NUP98: variants seen among roughly 807,000 people sequenced by gnomAD.
NUP98 encodes nucleoporin 98 and 96 precursor.
In NUP98, 26 loss-of-function variants were observed where a neutral mutation model predicts 191.9. That is an observed-to-expected ratio of 0.14 (90% CI 0.10 to 0.19). The LOEUF is 0.19. NUP98 is among the 10% of genes least tolerant of loss of function. The pLI, the probability that NUP98 is intolerant of heterozygous loss-of-function variation, is 1.00. For synonymous variants in NUP98, 808 were observed against 778.4 expected (o/e 1.04, Z -0.63); for missense variants, 1,941 against 2,178.8 (o/e 0.89, Z 2.17).
intron 1 of NUP98, among the ~76,000 whole-genome samples, chr11:3,791,877 C>T (rs34960028): frequency 0.17 from 24,824 of 146,834 alleles, 2,323 homozygotes; most frequent in Non-Finnish European, 0.22. Context: ...ACAAAAATTA[C>T]AACTACAAAA....
At chr11:3,741,284 T>TA (rs1480859797) in intron 12 of NUP98, among the ~76,000 whole-genome samples, 7 of 150,770 alleles carry the variant, frequency 4.6e-5, no homozygotes, top group South Asian at 2.1e-4. Context: ...GTGTTGTGGT[T>TA]AAAAAAAAAC....
chr11:3,781,914 T>C, intron 2 of NUP98, 128 bp downstream of exon 2: 1 of 551,348 alleles, frequency 1.8e-6, no homozygotes, highest in Non-Finnish European at 3.1e-6. Context: ...CTAATTATTT[T>C]TTCAAGACGA....
chr11:3,678,552 A>G (rs1337721406), intron 31 of NUP98, among the ~76,000 whole-genome samples: 1 of 152,192 alleles, frequency 6.6e-6, no homozygotes. Context: ...AAAAGCAGAG[A>G]GAAGTAGGGG....
At chr11:3,736,580 A>C (rs1286112820) in intron 12 of NUP98, among the ~76,000 whole-genome samples, 1 of 152,204 alleles carries the variant, frequency 6.6e-6, no homozygotes, top group Non-Finnish European at 1.5e-5. Flanking sequence ...GTGAGCCGAG[A>C]TCGCGCCACT....
chr11:3,778,899 G>A lies in NUP98; in HGVS notation c.329C>T (p.Ala110Val), dbSNP rs2081849561. ...GCCAAAGCCAGTTGGTTTATTTTGT[G>A]CAAAGGCATTGTTTTGGGATGAGAA... Reference protein sequence around the residue: ...SLFSSQNNAFAQNKPTGFGNF... With the variant: ...SLFSSQNNAFVQNKPTGFGNF... Residue 110 changes from alanine (A) to valine (V), a missense_variant, in exon 4 of 33, where the codon GCA becomes GTA. Ala to Val is a moderately conservative substitution (Grantham distance 64, BLOSUM62 0). Transcript: ENST00000324932. 2 of 1,614,156 alleles carry A rather than the reference G, an allele frequency of 1.2e-6. No homozygotes were observed. Among genetic ancestry groups the A allele is most frequent in the Non-Finnish European group, 1.7e-6 (2 of 1,180,034 alleles).
intron 1 of NUP98, among the ~76,000 whole-genome samples, chr11:3,795,118 T>C (rs1439498312): frequency 6.6e-6 from 1 of 152,196 alleles, no homozygotes; most frequent in East Asian, 1.9e-4. Context: ...TTCTACTTGC[T>C]CTTAGTTATC....
At chr11:3,721,106 C>T (rs1370715179) in intron 16 of NUP98, 1 of 185,098 alleles carries the variant, frequency 5.4e-6, no homozygotes, top group African/African-American at 2.4e-5. Flanking sequence ...TGCTTAACCT[C>T]GTGTTTTTCC....
chr11:3,779,108 C>T (rs1459429681), intron 3 of NUP98, 48 bp downstream of exon 3: 1 of 1,612,732 alleles, frequency 6.2e-7, no homozygotes, highest in Admixed American at 1.7e-5. Flanking sequence ...AAGTCAATTC[C>T]TATACTAGCT....
intron 8 of NUP98, 32 bp from the exon 9 acceptor site, chr11:3,763,071 T>C (rs1458710430): frequency 6.9e-6 from 11 of 1,600,846 alleles, no homozygotes; most frequent in Non-Finnish European, 8.5e-6. Flanking sequence ...TTAAAAGATA[T>C]CCTGTAATAG....
intron 20 of NUP98, 84 bp downstream of exon 20, chr11:3,712,480 A>C: frequency 6.3e-7 from 1 of 1,579,972 alleles, no homozygotes; most frequent in South Asian, 1.2e-5. Context: ...AAGGGTCATA[A>C]AACAGCTTTG....
chr11:3,760,694 A>G, intron 9 of NUP98, 68 bp from the exon 10 acceptor site: 1 of 1,360,044 alleles, frequency 7.4e-7, no homozygotes, highest in Non-Finnish European at 1.0e-6. Flanking sequence ...AATACAGGTT[A>G]CCTCAGGTAT....
chr11:3,742,284 T>A (rs1220870967), intron 12 of NUP98, among the ~76,000 whole-genome samples: 1 of 152,226 alleles, frequency 6.6e-6, no homozygotes, highest in Non-Finnish European at 1.5e-5. Context: ...ACTACTTTCG[T>A]AAGTTGTAAC....
chr11:3,710,766 A>C (rs569770999), intron 20 of NUP98, among the ~76,000 whole-genome samples: 6 of 152,226 alleles, frequency 3.9e-5, no homozygotes, highest in Non-Finnish European at 8.8e-5. Context: ...AATAAATATG[A>C]AAGAATTCTC....
Position 3,695,615 on chromosome 11 carries a change from G to A in NUP98, c.4010-9C>T, listed in dbSNP as rs572693550. On this transcript the variant is annotated splice_polypyrimidine_tract_variant and intron_variant, in intron 25 of 32. Transcript: ENST00000324932. ...AGCAAGACGATGATCCCCTATAAGA[G>A]AAATGGAAGTTTTTTGGTTATTACT... 6.5e-7 allele frequency: 1 copy of A among 1,544,342 alleles called. No homozygotes were observed. Among genetic ancestry groups the A allele is most frequent in the East Asian group, 2.3e-5 (1 of 42,820 alleles).
intron 1 of NUP98, among the ~76,000 whole-genome samples, chr11:3,793,601 T>C (rs2082427805): frequency 6.6e-6 from 1 of 151,946 alleles, no homozygotes; most frequent in African/African-American, 2.4e-5. Context: ...CACTATATTT[T>C]TAAGAATTTT....
chr11:3,763,580 C>T (rs747271309), intron 8 of NUP98, among the ~76,000 whole-genome samples: 31 of 152,056 alleles, frequency 2.0e-4, no homozygotes, highest in Non-Finnish European at 3.5e-4. Flanking sequence ...TTTTTTGATA[C>T]GGAGTTTCGT....
chr11:3,777,395 G>T (rs2081770105), intron 4 of NUP98, among the ~76,000 whole-genome samples: 1 of 152,060 alleles, frequency 6.6e-6, no homozygotes, highest in African/African-American at 2.4e-5. Context: ...GGCCAAGGCG[G>T]GTGGATCACA....
At chr11:3,682,192 T>C (rs974907727) in intron 30 of NUP98, among the ~76,000 whole-genome samples, 2 of 152,242 alleles carry the variant, frequency 1.3e-5, no homozygotes, top group Non-Finnish European at 2.9e-5. Flanking sequence ...GCTGGTTTCA[T>C]CTATCCAGAT....
At chr11:3,725,378 G>A (rs2079578325) in intron 14 of NUP98, among the ~76,000 whole-genome samples, 159 bp from the exon 15 acceptor site, 1 of 152,144 alleles carries the variant, frequency 6.6e-6, no homozygotes, top group South Asian at 2.1e-4. Context: ...CGCTTCCTAG[G>A]ATTGTATAGC....
Sources: allele counts gnomAD v4.1 joint callset (sites outside exome capture counted in the v4.1 genomes callset), GRCh38; gene constraint gnomAD v4.1.1; transcripts MANE v1.5; gene names NCBI Gene and HGNC (gene_info 2026-07-23, HGNC 2026-07-21).